Variants in PARD3 observed in about 807,000 individuals in gnomAD.
PARD3 encodes partitioning defective 3 homolog.
A neutral mutation model predicts 155.4 loss-of-function variants in PARD3; 75 were observed. That is an observed-to-expected ratio of 0.48 (90% CI 0.40 to 0.58). The LOEUF (loss-of-function observed/expected upper bound fraction) is 0.58, where lower values mean the gene tolerates loss of function less well. Among genes scored for constraint, PARD3 ranks in the 20% least tolerant of loss-of-function variants. The pLI, the probability that PARD3 is intolerant of heterozygous loss-of-function variation, is 0.00. For synonymous variants in PARD3, 576 were observed against 610.5 expected (o/e 0.94, Z 0.83); for missense variants, 1,642 against 1,721.7 (o/e 0.95, Z 0.82).
intron 20 of PARD3, among the ~76,000 whole-genome samples, chr10:34,291,227 T>C (rs986243521): frequency 6.6e-6 from 1 of 152,236 alleles, no homozygotes; most frequent in Non-Finnish European, 1.5e-5. Flanking sequence ...TACTACACTC[T>C]TGTCCATATG....
chr10:34,575,455 C>A (rs899215222), intron 2 of PARD3, among the ~76,000 whole-genome samples: 3 of 152,232 alleles, frequency 2.0e-5, no homozygotes, highest in Middle Eastern at 3.4e-3. Flanking sequence ...TAATTTGGCT[C>A]CTATCTCCTA....
chr10:34,387,666 TTGGGATTACAGGCTTGAGC>T (rs1842484377), intron 7 of PARD3, among the ~76,000 whole-genome samples: 1 of 152,314 alleles, frequency 6.6e-6, no homozygotes. Flanking sequence ...CCCAAAAGTA[TTGGGATTACAGGCTTGAGC>T]CACTGTGCCA....
At chr10:34,797,333 T>C (rs962410668) in intron 1 of PARD3, among the ~76,000 whole-genome samples, 16 of 152,326 alleles carry the variant, frequency 1.1e-4, no homozygotes, top group African/African-American at 3.8e-4. Flanking sequence ...GTTTATTCTT[T>C]GTAGAGACAG....
At chr10:34,221,728 C>T (rs1406326941) in intron 22 of PARD3, among the ~76,000 whole-genome samples, 4 of 152,302 alleles carry the variant, frequency 2.6e-5, no homozygotes, top group Admixed American at 6.5e-5. Context: ...AGTACCCTTC[C>T]TTTTAGTCCT....
In PARD3 at chr10:34,203,788, G is replaced by A. The variant is rs139761395; in HGVS notation, c.3419+65869C>T. Among the ~76,000 whole-genome samples, 271 of 151,966 alleles carry A rather than the reference G, an allele frequency of 1.8e-3. 2 individuals carry two copies. Among genetic ancestry groups the A allele is most frequent in the African/African-American group, 6.3e-3 (259 of 41,430 alleles). On this transcript the variant is annotated intron_variant, in intron 22 of 24. Coordinates refer to ENST00000374788, the MANE Select transcript of PARD3 (RefSeq NM_001184785.2). ...TATATTCAGAGACAAGTACCACCAG[G>A]AATCCACACACCTGAGTTCTATTGA...
chr10:34,497,760 A>T (rs1470357309), intron 3 of PARD3, among the ~76,000 whole-genome samples: 1 of 152,246 alleles, frequency 6.6e-6, no homozygotes. Context: ...CAAGATGATC[A>T]GCGGGTCAAG....
At chr10:34,648,744 G>C (rs116064348) in intron 2 of PARD3, among the ~76,000 whole-genome samples, 2 of 152,164 alleles carry the variant, frequency 1.3e-5, no homozygotes, top group South Asian at 2.1e-4. Context: ...AGTGGTCTGC[G>C]GGTTGGGGAC....
intron 21 of PARD3, among the ~76,000 whole-genome samples, chr10:34,279,261 T>C (rs1051429682): frequency 6.6e-6 from 1 of 151,480 alleles, no homozygotes; most frequent in Admixed American, 6.6e-5. Context: ...GTGATGCTCT[T>C]GCTAAAGTGT....
At chr10:34,443,409 T>C (rs1360863981) in intron 5 of PARD3, among the ~76,000 whole-genome samples, 3 of 152,192 alleles carry the variant, frequency 2.0e-5, no homozygotes, top group Non-Finnish European at 2.9e-5. Context: ...ATGCTGCTGA[T>C]AAATACATAC....
chr10:34,674,388 G>GC (rs2093663897), intron 2 of PARD3, among the ~76,000 whole-genome samples: 1 of 151,822 alleles, frequency 6.6e-6, no homozygotes, highest in Non-Finnish European at 1.5e-5. Flanking sequence ...TCACTGCCTA[G>GC]CGGGTAGCCC....
intron 1 of PARD3, among the ~76,000 whole-genome samples, chr10:34,700,962 G>A (rs1159927657): frequency 1.3e-5 from 2 of 152,046 alleles, no homozygotes; most frequent in Non-Finnish European, 2.9e-5. Flanking sequence ...GCAACAGAGT[G>A]AGACTCCATC....
chr10:34,339,452 T>C (rs182513762), intron 16 of PARD3, among the ~76,000 whole-genome samples: 13 of 152,168 alleles, frequency 8.5e-5, no homozygotes, highest in East Asian at 1.9e-4. Context: ...TTAGTAGAAA[T>C]AAATTGTTGG....
intron 2 of PARD3, among the ~76,000 whole-genome samples, chr10:34,655,857 G>T (rs2093153704): frequency 6.6e-6 from 1 of 152,160 alleles, no homozygotes; most frequent in Non-Finnish European, 1.5e-5. Context: ...AAATGGGAAT[G>T]AATGAAGTCT....
intron 1 of PARD3, among the ~76,000 whole-genome samples, chr10:34,716,812 G>T (rs966758088): frequency 1.3e-5 from 2 of 151,828 alleles, no homozygotes; most frequent in Non-Finnish European, 2.9e-5. Context: ...GGTTGGTCTC[G>T]CACTGCCAAC....
intron 2 of PARD3, among the ~76,000 whole-genome samples, chr10:34,564,513 G>A (rs1424125760): frequency 6.6e-6 from 1 of 152,218 alleles, no homozygotes; most frequent in East Asian, 1.9e-4. Context: ...AGGGTTTTGA[G>A]GGTAGGTTTC....
intron 3 of PARD3, among the ~76,000 whole-genome samples, chr10:34,501,256 C>T (rs560147733): frequency 2.0e-5 from 3 of 152,144 alleles, no homozygotes; most frequent in Non-Finnish European, 4.4e-5. Context: ...TGGTTTGGTG[C>T]TGTCTTCATG....
intron 1 of PARD3, among the ~76,000 whole-genome samples, chr10:34,704,085 C>T (rs909062515): frequency 1.3e-5 from 2 of 152,174 alleles, no homozygotes; most frequent in African/African-American, 2.4e-5. Context: ...TATTCCAGGA[C>T]GTCAGCTGCA....
intron 22 of PARD3, among the ~76,000 whole-genome samples, chr10:34,212,693 G>GA (rs1951813957): frequency 6.6e-6 from 1 of 152,158 alleles, no homozygotes. Context: ...AAAGGCCGCA[G>GA]AGGTGGATGG....
chr10:34,583,055 A>G (rs539113928), intron 2 of PARD3, among the ~76,000 whole-genome samples: 5 of 152,318 alleles, frequency 3.3e-5, no homozygotes, highest in Middle Eastern at 3.4e-3. Context: ...CTTCTTTCAC[A>G]TAAGAGAGAA....
Sources: allele counts gnomAD v4.1 joint callset (sites outside exome capture counted in the v4.1 genomes callset), GRCh38; gene constraint gnomAD v4.1.1; transcripts MANE v1.5; gene names NCBI Gene and HGNC (gene_info 2026-07-23, HGNC 2026-07-21).